The following AGXT2 variants were observed in gnomAD, a reference collection of about 807,000 sequenced individuals.
The protein encoded by AGXT2 is alanine--glyoxylate aminotransferase 2, mitochondrial.
A neutral mutation model predicts 62.5 loss-of-function variants in AGXT2; 61 were observed. The observed-to-expected ratio is 0.98, with a 90% CI of 0.79 to 1.21. AGXT2 has a LOEUF of 1.21. AGXT2 is among the 50% of genes most tolerant of loss of function. The probability of loss-of-function intolerance (pLI) is 0.00; values close to 1 mark genes in which losing one functional copy is unlikely to be tolerated. For missense variants in AGXT2, 666 were observed against 641.5 expected (o/e 1.04, Z -0.41); for synonymous variants, 243 against 218.7 (o/e 1.11, Z -0.98).
chr5:35,001,226 T>A (rs967585315), intron 13 of AGXT2, among the ~76,000 whole-genome samples: 4 of 152,226 alleles, frequency 2.6e-5, no homozygotes, highest in Non-Finnish European at 5.9e-5. Flanking sequence ...ACACCTTGAA[T>A]GGAGCATGCT....
Position 35,047,876 on chromosome 5 carries a change from C to T in AGXT2, c.17G>A (p.Arg6Lys), listed in dbSNP as rs148595824. The T allele has an allele frequency of 5.1e-4, 822 of 1,614,070 alleles. 5 individuals are homozygous for T. The South Asian group carries it at 7.0e-3, about 14-fold the overall frequency. Residue 6 changes from arginine to lysine, a missense_variant, in exon 1 of 14, where the codon AGA becomes AAA. By Grantham distance (26) the Arg-to-Lys change is conservative (BLOSUM62 2). Coordinates refer to ENST00000231420, the MANE Select transcript of AGXT2 (RefSeq NM_031900.4). ...CAGGCACAAGGGTCTCAGCAAATGT[C>T]TCCAGATTAGAGTCATTTCTCCCAC... MTLIW[R>K]HLLRPLCLVT... is the part of the protein sequence containing the mutation.
At position 35,025,372 on chromosome 5, in the gene AGXT2, G is replaced by A. The variant is rs973028574; in HGVS notation, c.963+391C>T. Among the ~76,000 whole-genome samples the A allele has an allele frequency of 5.3e-5, 8 of 152,278 alleles. 1 individual carries two copies. In the South Asian group the frequency reaches 1.7e-3, roughly 32 times the overall value. On this transcript the variant is annotated intron_variant, in intron 9 of 13. Transcript: ENST00000231420. Reference sequence around the variant, plus strand: ...AGCCTGGATGACAGAGCGAGACTTTGTCTCAAAATAACCAAACAAATAAAA... The same window carrying A: ...AGCCTGGATGACAGAGCGAGACTTTATCTCAAAATAACCAAACAAATAAAA...
intron 9 of AGXT2, among the ~76,000 whole-genome samples, chr5:35,020,611 A>C (rs910148498): frequency 1.3e-5 from 2 of 152,224 alleles, no homozygotes; most frequent in African/African-American, 4.8e-5. Flanking sequence ...ACCCACAGCC[A>C]ATATCATACT....
chr5:35,020,127 G>C (rs936440130), intron 9 of AGXT2, among the ~76,000 whole-genome samples: 87 of 152,154 alleles, frequency 5.7e-4, no homozygotes, highest in Non-Finnish European at 4.7e-4. Context: ...GATTCACAGC[G>C]GAATTCTACC....
At chr5:35,027,818 G>A (rs372485971) in intron 7 of AGXT2, among the ~76,000 whole-genome samples, 1 of 149,572 alleles carries the variant, frequency 6.7e-6, no homozygotes, top group East Asian at 2.0e-4. Flanking sequence ...GAGGAAGTGA[G>A]CGTTCACAAT....
intron 1 of AGXT2, among the ~76,000 whole-genome samples, chr5:35,045,757 CTTTTTTCTTTTTT>C (rs1768168594): frequency 1.6e-5 from 1 of 63,602 alleles, no homozygotes; most frequent in African/African-American, 4.7e-5. Context: ...TTTTCTTTTT[CTTTTTTCTTTTTT>C]TTTTTTTTTT....
At chr5:35,043,709 C>A (rs1018318502) in intron 1 of AGXT2, among the ~76,000 whole-genome samples, 2 of 151,994 alleles carry the variant, frequency 1.3e-5, no homozygotes, top group African/African-American at 4.8e-5. Context: ...TTTTTCTTTT[C>A]CTACTTTTAA....
At chr5:35,012,110 A>T (rs1236978496) in intron 11 of AGXT2, among the ~76,000 whole-genome samples, 1 of 152,176 alleles carries the variant, frequency 6.6e-6, no homozygotes, top group Non-Finnish European at 1.5e-5. Context: ...TGAGGGATGG[A>T]AAATTACATA....
At chr5:35,026,331 A>C (rs1383201450) in intron 8 of AGXT2, 79 bp downstream of exon 8, 1 of 1,173,714 alleles carries the variant, frequency 8.5e-7, no homozygotes, top group Non-Finnish European at 1.3e-6. Flanking sequence ...TTCATTTGGA[A>C]TTCTCTAGAA....
chr5:35,006,500 C>A (rs1766428090), intron 12 of AGXT2, among the ~76,000 whole-genome samples: 1 of 151,864 alleles, frequency 6.6e-6, no homozygotes, highest in Admixed American at 6.6e-5. Context: ...AGAGCAGGAG[C>A]AAGAGAGGGA....
At chr5:35,028,558 TGAGAGAGAGA>T (rs541190371) in intron 7 of AGXT2, among the ~76,000 whole-genome samples, 208 of 10,522 alleles carry the variant, frequency 0.02, 1 homozygote, top group African/African-American at 0.043. Context: ...GCAGGAAAGG[TGAGAGAGAGA>T]GAGAGAGAGA....
chr5:35,032,535 G>A (rs993610312), intron 7 of AGXT2, among the ~76,000 whole-genome samples, 197 bp downstream of exon 7: 7 of 152,200 alleles, frequency 4.6e-5, no homozygotes, highest in Admixed American at 1.3e-4. Flanking sequence ...CAGACAGATG[G>A]TCTGAGAGTG....
intron 7 of AGXT2, among the ~76,000 whole-genome samples, chr5:35,030,482 T>TG (rs1254255413): frequency 1.3e-5 from 2 of 150,948 alleles, no homozygotes; most frequent in Admixed American, 6.6e-5. Context: ...CACTCCAGTC[T>TG]GGGGGACAAG....
intron 10 of AGXT2, among the ~76,000 whole-genome samples, chr5:35,013,569 G>T (rs1238029740): frequency 6.6e-6 from 1 of 152,144 alleles, no homozygotes; most frequent in Non-Finnish European, 1.5e-5. Flanking sequence ...AACACCTGAG[G>T]TCAGGAGTTT....
chr5:35,019,900 GA>G (rs1767000909), intron 9 of AGXT2, among the ~76,000 whole-genome samples: 1 of 152,168 alleles, frequency 6.6e-6, no homozygotes, highest in African/African-American at 2.4e-5. Context: ...TATCACCACT[GA>G]TCCCACAGAA....
At chr5:35,006,987 GT>G (rs1265935298) in intron 12 of AGXT2, among the ~76,000 whole-genome samples, 2 of 152,134 alleles carry the variant, frequency 1.3e-5, no homozygotes, top group East Asian at 3.8e-4. Flanking sequence ...ACAAATACAG[GT>G]TAGGTGACAC....
rs1310032447 is a variant in AGXT2 at position 35,003,854 on chromosome 5, C to T, written c.1346G>A (p.Cys449Tyr). The stretch of plus-strand genomic sequence containing the variant: ...TACTTCTTCACGGGGAAGAGGCCGA[C>T]AGCTTATCTGTAAATATATTTTTAA... ...GIEMVQDKIS[C>Y]RPLPREEVNQ... Residue 449 changes from cysteine (C) to tyrosine (Y), a missense_variant, in exon 13 of 14, where the codon TGT (cysteine) becomes TAT (tyrosine). Physicochemically the swap from Cys to Tyr is radical, Grantham distance 194. Coordinates refer to ENST00000231420, the MANE Select transcript of AGXT2 (RefSeq NM_031900.4). The T allele has an allele frequency of 3.1e-6, 5 of 1,613,730 alleles. No homozygotes were observed. The highest frequency in any genetic ancestry group is 1.7e-5 in the Admixed American group (1 of 59,998).
chr5:35,026,470 T>C lies in AGXT2; in HGVS notation c.810A>G (p.Lys270=). 1 of 1,614,168 alleles carries C rather than the reference T, an allele frequency of 6.2e-7. No individual in the cohort carries two copies. The highest frequency in any genetic ancestry group is 8.5e-7 in the Non-Finnish European group (1 of 1,180,006). ...QAKDQYIEQF[K]DTLSTSVAKS... ...TGGCCACAGATGTGCTCAGCGTATCTTTGAATTGCTCAATATACTGATCTT... is the reference window on the plus strand; with the variant it reads ...TGGCCACAGATGTGCTCAGCGTATCCTTGAATTGCTCAATATACTGATCTT... Residue 270 remains lysine (K), a synonymous_variant, in exon 8 of 14, where the codon AAA becomes AAG. Coordinates refer to ENST00000231420, the MANE Select transcript of AGXT2 (RefSeq NM_031900.4).
At chr5:35,009,256 A>G (rs1249220860) in intron 12 of AGXT2, among the ~76,000 whole-genome samples, 2 of 151,420 alleles carry the variant, frequency 1.3e-5, no homozygotes, top group African/African-American at 4.9e-5. Flanking sequence ...CTCCCTGGTT[A>G]CTTGGGAGGT....
Sources: allele counts gnomAD v4.1 joint callset (sites outside exome capture counted in the v4.1 genomes callset), GRCh38; gene constraint gnomAD v4.1.1; transcripts MANE v1.5; gene names NCBI Gene and HGNC (gene_info 2026-07-23, HGNC 2026-07-21).